Variants in XKR9 observed in about 807,000 individuals in gnomAD.
XKR9 encodes XK related 9.
A neutral mutation model predicts 32.0 loss-of-function variants in XKR9; 32 were observed. The ratio of observed to expected loss-of-function variants is 1.00; its 90% CI spans 0.76 to 1.34. The LOEUF is 1.34. Ranked by LOEUF, XKR9 falls within the 40% of genes most tolerant of loss-of-function variation. XKR9 has a pLI of 0.00. For missense variants in XKR9, 546 were observed against 429.7 expected, an observed-to-expected ratio of 1.27 and a Z score of -2.39; for synonymous variants, 168 against 143.4, an observed-to-expected ratio of 1.17 and a Z score of -1.22.
At chr8:70,926,409 T>A in the XKR9 span, among the ~76,000 whole-genome samples, 3 of 152,246 alleles carry the variant, frequency 2.0e-5, no homozygotes, top group African/African-American at 7.2e-5. Context: ...TTTACTTACA[T>A]ACTAAAGGCT....
chr8:70,997,494 T>C, the XKR9 span, among the ~76,000 whole-genome samples: 1 of 152,174 alleles, frequency 6.6e-6, no homozygotes. Flanking sequence ...ACCATCATTC[T>C]AAGTGAAGTA....
chr8:71,038,258 C>T, the XKR9 span, among the ~76,000 whole-genome samples: 1 of 150,800 alleles, frequency 6.6e-6, no homozygotes, highest in Non-Finnish European at 1.5e-5. Flanking sequence ...TCTCTTTCTT[C>T]CTTTCTTTCT....
the XKR9 span, among the ~76,000 whole-genome samples, chr8:70,813,854 A>G: frequency 8.5e-5 from 13 of 152,338 alleles, no homozygotes; most frequent in Admixed American, 5.9e-4. Context: ...GGGTTTGTAA[A>G]CTAGTTCAAC....
chr8:70,754,767 A>T (rs779995002), intron 2 of XKR9, among the ~76,000 whole-genome samples: 10,893 of 151,558 alleles, frequency 0.072, 454 homozygotes, highest in Non-Finnish European at 0.088. Flanking sequence ...TTAATTCAAG[A>T]TGGATTAAAG....
the XKR9 span, among the ~76,000 whole-genome samples, chr8:71,064,725 A>G: frequency 1.3e-4 from 20 of 152,154 alleles, no homozygotes; most frequent in Non-Finnish European, 2.5e-4. Context: ...TTCCTGGTGC[A>G]TATGCGAACA....
chr8:70,845,693 A>G, the XKR9 span, among the ~76,000 whole-genome samples: 1 of 152,174 alleles, frequency 6.6e-6, no homozygotes, highest in Non-Finnish European at 1.5e-5. Flanking sequence ...AAACAGAAGA[A>G]GCAAATTCAG....
chr8:70,764,043 A>G lies in XKR9; in HGVS notation n.353-25296A>G, dbSNP rs75411899. Among the ~76,000 whole-genome samples, 242 of 152,306 alleles carry G rather than the reference A, an allele frequency of 1.6e-3. 3 individuals are homozygous for G. In the East Asian group the frequency reaches 0.042, roughly 27 times the overall value. On this transcript the variant is annotated intron_variant and non_coding_transcript_variant, in intron 2 of 3. Transcript: ENST00000520273. ...AAGTTTTTAGCCACATACTGCAGAT[A>G]GTTTTGAGTCTATAGCCTTATTGAT...
chr8:70,980,196 C>G, the XKR9 span, among the ~76,000 whole-genome samples: 2 of 152,226 alleles, frequency 1.3e-5, no homozygotes, highest in African/African-American at 4.8e-5. Flanking sequence ...AAAGGGAAAT[C>G]CCCTGACCCC....
At chr8:70,725,346 G>T (rs1481463419) in intron 4 of XKR9, among the ~76,000 whole-genome samples, 1 of 152,166 alleles carries the variant, frequency 6.6e-6, no homozygotes, top group African/African-American at 2.4e-5. Context: ...TGGAAGAAAT[G>T]TGTGTATATA....
At chr8:70,947,160 T>C in the XKR9 span, among the ~76,000 whole-genome samples, 1 of 152,210 alleles carries the variant, frequency 6.6e-6, no homozygotes, top group Non-Finnish European at 1.5e-5. Context: ...TCATAAGTTG[T>C]TTATGATTAA....
At chr8:70,919,215 T>C in the XKR9 span, among the ~76,000 whole-genome samples, 1 of 152,190 alleles carries the variant, frequency 6.6e-6, no homozygotes, top group African/African-American at 2.4e-5. Flanking sequence ...CCTCAGTTTC[T>C]TTATCTGTTG....
chr8:71,013,300 C>A, the XKR9 span, among the ~76,000 whole-genome samples: 1 of 152,088 alleles, frequency 6.6e-6, no homozygotes, highest in Non-Finnish European at 1.5e-5. Flanking sequence ...GGATGAATGG[C>A]TGGTGAAGAG....
At chr8:70,884,357 G>A in the XKR9 span, among the ~76,000 whole-genome samples, 2 of 152,044 alleles carry the variant, frequency 1.3e-5, no homozygotes, top group South Asian at 4.1e-4. Context: ...CTTTTGTAGA[G>A]CAGAAGTTTT....
the XKR9 span, among the ~76,000 whole-genome samples, chr8:71,028,710 A>G: frequency 3.3e-5 from 5 of 152,208 alleles, no homozygotes; most frequent in Admixed American, 2.0e-4. Context: ...ACAAAACATT[A>G]CTTTGTACCC....
the XKR9 span, among the ~76,000 whole-genome samples, chr8:70,977,164 T>C: frequency 0.56 from 84,676 of 151,804 alleles, 24,590 homozygotes; most frequent in Middle Eastern, 0.62. Flanking sequence ...TGGTTCTTTT[T>C]AATTTTGGTT....
chr8:70,813,540 C>T, the XKR9 span, among the ~76,000 whole-genome samples: 6 of 152,112 alleles, frequency 3.9e-5, no homozygotes, highest in African/African-American at 1.2e-4. Flanking sequence ...GCAACCTACT[C>T]ATCTGACAAA....
the XKR9 span, among the ~76,000 whole-genome samples, chr8:71,009,188 G>A: frequency 1.3e-5 from 2 of 152,184 alleles, no homozygotes; most frequent in African/African-American, 2.4e-5. Flanking sequence ...CAGTAGTGAG[G>A]TGGGAAATGG....
the XKR9 span, among the ~76,000 whole-genome samples, chr8:70,837,569 G>T: frequency 6.6e-6 from 1 of 152,044 alleles, no homozygotes; most frequent in Non-Finnish European, 1.5e-5. Context: ...GCTGGCAAAA[G>T]GCTGAAAGGA....
chr8:71,058,166 G>A, the XKR9 span, among the ~76,000 whole-genome samples: 4 of 148,190 alleles, frequency 2.7e-5, no homozygotes, highest in Admixed American at 6.8e-5. Context: ...GGGCAACAGC[G>A]AGACTCCGTC....
Sources: allele counts gnomAD v4.1 joint callset (sites outside exome capture counted in the v4.1 genomes callset), GRCh38; gene constraint gnomAD v4.1.1; transcripts MANE v1.5; gene names NCBI Gene and HGNC (gene_info 2026-07-23, HGNC 2026-07-21).